Variants in NRP1 observed in about 807,000 individuals in gnomAD.
The protein encoded by NRP1 is neuropilin 1, also known as neuropilin-1.
In NRP1, 35 loss-of-function variants were observed where a neutral mutation model predicts 106.7. The observed-to-expected ratio is 0.33, with a 90% CI of 0.25 to 0.43. NRP1 has a LOEUF of 0.43. Among genes scored for constraint, NRP1 ranks in the 20% least tolerant of loss-of-function variants. The pLI is 1.00. For missense variants in NRP1, 1,024 were observed against 1,170.4 expected (o/e 0.87, Z 1.83); for synonymous variants, 437 against 417.9 (o/e 1.05, Z -0.56).
chr10:33,289,251 T>C (rs1435600808), intron 2 of NRP1, among the ~76,000 whole-genome samples: 2 of 152,122 alleles, frequency 1.3e-5, no homozygotes, highest in African/African-American at 4.8e-5. Flanking sequence ...TCCAATTACA[T>C]TAAACCTTAT....
At chr10:33,265,001 C>A (rs1842829433) in intron 3 of NRP1, among the ~76,000 whole-genome samples, 1 of 151,816 alleles carries the variant, frequency 6.6e-6, no homozygotes. Context: ...TCCCAGCTAC[C>A]CAAGAGGCTG....
chr10:33,208,966 G>T (rs1410537896), intron 9 of NRP1, among the ~76,000 whole-genome samples: 2 of 146,166 alleles, frequency 1.4e-5, no homozygotes, highest in African/African-American at 5.1e-5. Flanking sequence ...GAGTGCAGTG[G>T]CATGATCTTG....
At chr10:33,311,876 G>A (rs1588973217) in intron 2 of NRP1, among the ~76,000 whole-genome samples, 2 of 152,298 alleles carry the variant, frequency 1.3e-5, no homozygotes, top group East Asian at 3.9e-4. Context: ...AACAGGAACA[G>A]TTTAAGTCGC....
intron 3 of NRP1, among the ~76,000 whole-genome samples, chr10:33,267,618 C>T (rs1239663432): frequency 6.6e-6 from 1 of 152,018 alleles, no homozygotes; most frequent in Non-Finnish European, 1.5e-5. Context: ...GCACTGAGAC[C>T]CATAGGAAAC....
At chr10:33,294,449 C>T (rs1845231439) in intron 2 of NRP1, among the ~76,000 whole-genome samples, 2 of 151,928 alleles carry the variant, frequency 1.3e-5, no homozygotes, top group Admixed American at 1.3e-4. Flanking sequence ...GAAACCTCAT[C>T]TCTACTAAAA....
At chr10:33,273,776 C>T (rs1843482969) in intron 2 of NRP1, among the ~76,000 whole-genome samples, 1 of 152,094 alleles carries the variant, frequency 6.6e-6, no homozygotes, top group South Asian at 2.1e-4. Flanking sequence ...AGAGAGTTGA[C>T]CCCTCTGTCT....
At chr10:33,202,463 C>A in intron 11 of NRP1, 1 of 708,632 alleles carries the variant, frequency 1.4e-6, no homozygotes, top group Non-Finnish European at 2.1e-6. Context: ...CTAACTTTAT[C>A]CATTTGTTGG....
At chr10:33,257,680 T>A (rs1842291840) in intron 4 of NRP1, among the ~76,000 whole-genome samples, 1 of 152,132 alleles carries the variant, frequency 6.6e-6, no homozygotes, top group Non-Finnish European at 1.5e-5. Context: ...TGGCCACACC[T>A]TTGTTGAAGT....
At chr10:33,322,944 C>T (rs75285884) in intron 2 of NRP1, among the ~76,000 whole-genome samples, 21 of 152,170 alleles carry the variant, frequency 1.4e-4, no homozygotes, top group African/African-American at 1.9e-4. Flanking sequence ...AGATTTGTGA[C>T]GCAGCAACTA....
chr10:33,246,097 C>A (rs909960099), intron 6 of NRP1, among the ~76,000 whole-genome samples: 5 of 149,702 alleles, frequency 3.3e-5, no homozygotes, highest in Admixed American at 6.7e-5. Context: ...TCAACTTGAC[C>A]AAAATGGTCA....
At chr10:33,266,988 T>C (rs1588882767) in intron 3 of NRP1, among the ~76,000 whole-genome samples, 1 of 152,154 alleles carries the variant, frequency 6.6e-6, no homozygotes, top group East Asian at 1.9e-4. Context: ...GCCAAGATCG[T>C]GCCACTGCAC....
chr10:33,334,385 T>A lies in NRP1; in HGVS notation c.-3A>T, dbSNP rs1448575802. 6.5e-7 allele frequency: 1 copy of A among 1,544,528 alleles called. No homozygotes were observed. Among genetic ancestry groups the A allele is most frequent in the South Asian group, 1.2e-5 (1 of 84,092 alleles). The stretch of plus-strand genomic sequence containing the variant: ...AGGAGCGGCAGCCCCCTCTCCATTC[T>A]CCCTTCTCCGGGTCCGCAGGCAGAC... On this transcript the variant is annotated 5_prime_UTR_variant, in exon 1 of 17. Coordinates refer to ENST00000374867, the MANE Select transcript of NRP1 (RefSeq NM_003873.7).
chr10:33,330,556 A>G, intron 2 of NRP1, 152 bp downstream of exon 2: 1 of 563,718 alleles, frequency 1.8e-6, no homozygotes, highest in Non-Finnish European at 2.8e-6. Context: ...ACGTACTTCA[A>G]TTTCCATACC....
At position 33,318,993 on chromosome 10, in the gene NRP1, C is replaced by A. The variant is rs376487356; in HGVS notation, c.248+11715G>T. Among the ~76,000 whole-genome samples, 91 of 132,902 alleles carry A rather than the reference C, an allele frequency of 6.8e-4. No individual in the cohort carries two copies. The East Asian group carries it at 0.018, about 26-fold the overall frequency. 87.2% of individuals were successfully genotyped at this position (132,902 alleles called of 152,430 possible). On this transcript the variant is annotated intron_variant, in intron 2 of 16. Coordinates refer to ENST00000374867, the MANE Select transcript of NRP1 (RefSeq NM_003873.7). ...TCGAGTGGGGACTTAGAGAACTTTT[C>A]TTTTCTTTCTTTTTTTTTTTTTTTT...
At chr10:33,322,203 T>C (rs1847559247) in intron 2 of NRP1, among the ~76,000 whole-genome samples, 1 of 152,084 alleles carries the variant, frequency 6.6e-6, no homozygotes, top group African/African-American at 2.4e-5. Flanking sequence ...AATATGCCCT[T>C]TTACCAATTG....
chr10:33,197,734 C>A, intron 11 of NRP1, 25 bp from the exon 12 acceptor site: 2 of 1,474,476 alleles, frequency 1.4e-6, no homozygotes, highest in East Asian at 2.3e-5. Context: ...CAGGAACATG[C>A]AAAAATAAGA....
chr10:33,262,754 A>G (rs2383988), intron 4 of NRP1, among the ~76,000 whole-genome samples: 97,780 of 149,916 alleles, frequency 0.65, 32,446 homozygotes, highest in African/African-American at 0.76. Context: ...TAAAATTTCA[A>G]CCTATACCTC....
At chr10:33,246,281 T>G (rs889666359) in intron 6 of NRP1, among the ~76,000 whole-genome samples, 1 of 151,932 alleles carries the variant, frequency 6.6e-6, no homozygotes, top group Non-Finnish European at 1.5e-5. Context: ...ACCTACATAT[T>G]CCCTTCAAAT....
intron 8 of NRP1, among the ~76,000 whole-genome samples, chr10:33,217,396 A>C (rs1838867431): frequency 6.6e-6 from 1 of 151,796 alleles, no homozygotes; most frequent in Non-Finnish European, 1.5e-5. Context: ...AAAAATGAAG[A>C]GGCAACTTGA....
Sources: gnomAD v4.1 joint callset for allele counts (sites outside exome capture counted in the v4.1 genomes callset) on GRCh38, gnomAD v4.1.1 for gene constraint, MANE v1.5 for transcripts, NCBI Gene and HGNC (gene_info 2026-07-23, HGNC 2026-07-21) for gene names.